The following ADAMTS18 variants were observed in gnomAD, a reference collection of about 807,000 sequenced individuals.
ADAMTS18 encodes the protein ADAM metallopeptidase with thrombospondin type 1 motif 18.
Under a neutral mutation model 165.9 loss-of-function variants are expected in ADAMTS18, and 157 were observed. The ratio of observed to expected loss-of-function variants is 0.95; its 90% CI spans 0.83 to 1.08. The LOEUF (loss-of-function observed/expected upper bound fraction) is 1.08. Ranked by LOEUF, ADAMTS18 falls within the 50% of genes least tolerant of loss-of-function variation. The probability of loss-of-function intolerance (pLI) is 0.00; values close to 1 mark genes in which losing one functional copy is unlikely to be tolerated. For synonymous variants in ADAMTS18, 782 were observed against 578.2 expected (o/e 1.35, Z -5.06); for missense variants, 2,040 against 1,534.0 (o/e 1.33, Z -5.51).
At chr16:77,302,530 G>C (rs1012656905) in intron 16 of ADAMTS18, among the ~76,000 whole-genome samples, 22 of 152,110 alleles carry the variant, frequency 1.4e-4, no homozygotes, top group African/African-American at 5.3e-4. Context: ...GTAGGGGCAA[G>C]CTTAAGTATA....
At chr16:77,339,151 C>G (rs1270945291) in intron 11 of ADAMTS18, among the ~76,000 whole-genome samples, 2 of 150,960 alleles carry the variant, frequency 1.3e-5, no homozygotes, top group Non-Finnish European at 3.0e-5. Flanking sequence ...CAAGTAAAAC[C>G]AGGGCACTGG....
At chr16:77,389,704 T>C (rs1479533031) in intron 3 of ADAMTS18, among the ~76,000 whole-genome samples, 4 of 152,156 alleles carry the variant, frequency 2.6e-5, no homozygotes, top group African/African-American at 7.2e-5. Context: ...TTTGCCTTCC[T>C]TAAAGAGGCT....
chr16:77,391,365 C>T (rs1398331829), intron 3 of ADAMTS18, among the ~76,000 whole-genome samples: 1 of 152,014 alleles, frequency 6.6e-6, no homozygotes, highest in Non-Finnish European at 1.5e-5. Flanking sequence ...TAGGTGCATG[C>T]CTGTAGTCCC....
At chr16:77,394,791 G>C (rs993699327) in intron 3 of ADAMTS18, among the ~76,000 whole-genome samples, 32 of 152,106 alleles carry the variant, frequency 2.1e-4, no homozygotes, top group African/African-American at 6.8e-4. Flanking sequence ...CATTAATGTA[G>C]GATTGCCATC....
At chr16:77,392,103 C>A (rs988220626) in intron 3 of ADAMTS18, among the ~76,000 whole-genome samples, 7 of 152,182 alleles carry the variant, frequency 4.6e-5, no homozygotes, top group Non-Finnish European at 1.0e-4. Context: ...GCTGACCACA[C>A]AGATGTGCCA....
chr16:77,368,408 A>G (rs1485634420), intron 3 of ADAMTS18, among the ~76,000 whole-genome samples: 2 of 150,590 alleles, frequency 1.3e-5, no homozygotes, highest in African/African-American at 4.9e-5. Context: ...CTCATTCTCA[A>G]GTGGTTCACA....
chr16:77,408,448 C>T (rs772869007), intron 3 of ADAMTS18, among the ~76,000 whole-genome samples: 9 of 152,022 alleles, frequency 5.9e-5, no homozygotes, highest in Non-Finnish European at 1.2e-4. Flanking sequence ...CCAGAAACAA[C>T]CCAAATGTCT....
At position 77,367,635 on chromosome 16, in the gene ADAMTS18, G is replaced by T; in HGVS notation, c.584C>A (p.Ala195Glu). The T allele has an allele frequency of 6.2e-7, 1 of 1,614,166 alleles. No homozygotes were observed. The highest frequency in any genetic ancestry group is 1.1e-5 in the South Asian group (1 of 91,086). The change falls in exon 4 of 23, where the codon GCG (alanine) becomes GAG (glutamate). Residue 195 changes from alanine (A) to glutamate (E), a missense_variant. Coordinates refer to ENST00000282849, the MANE Select transcript of ADAMTS18 (RefSeq NM_199355.4). The part of the protein sequence containing the change: ...LAQEHNYSSP[A>E]GHHPHVLYKR... ...GTACAGTACGTGAGGATGGTGACCC[G>T]CAGGGGAGCTGTAGTTGTGTTCCTG...
At chr16:77,299,103 A>G (rs1567462619) in intron 17 of ADAMTS18, among the ~76,000 whole-genome samples, 2 of 152,258 alleles carry the variant, frequency 1.3e-5, no homozygotes, top group Non-Finnish European at 1.5e-5. Flanking sequence ...GGATATGAGA[A>G]AGACCTCATA....
intron 20 of ADAMTS18, among the ~76,000 whole-genome samples, chr16:77,292,028 G>T (rs1167875910): frequency 6.6e-6 from 1 of 152,164 alleles, no homozygotes; most frequent in Non-Finnish European, 1.5e-5. Context: ...CTTTTAGGCT[G>T]GGTGCAGTGG....
chr16:77,376,102 C>T (rs777052899), intron 3 of ADAMTS18, among the ~76,000 whole-genome samples: 1 of 151,856 alleles, frequency 6.6e-6, no homozygotes, highest in Non-Finnish European at 1.5e-5. Flanking sequence ...GGGGTTTCTC[C>T]ATGTTGATCC....
intron 3 of ADAMTS18, among the ~76,000 whole-genome samples, chr16:77,372,298 T>A (rs1235973300): frequency 6.6e-6 from 1 of 152,212 alleles, no homozygotes; most frequent in Non-Finnish European, 1.5e-5. Context: ...CTCAGTATGT[T>A]GAAGAGATAT....
At chr16:77,355,918 C>T (rs750830151) in intron 9 of ADAMTS18, 22 bp downstream of exon 9, 5 of 1,613,648 alleles carry the variant, frequency 3.1e-6, no homozygotes, top group East Asian at 2.2e-5. Context: ...CTAGGAGCAC[C>T]CCAGGATTTA....
At chr16:77,366,486 G>C (rs2056796107) in intron 4 of ADAMTS18, among the ~76,000 whole-genome samples, 1 of 152,118 alleles carries the variant, frequency 6.6e-6, no homozygotes. Context: ...TGAACCTGGT[G>C]GGGTGGAGGT....
chr16:77,432,626 G>A (rs1207901004), intron 2 of ADAMTS18, among the ~76,000 whole-genome samples: 1 of 152,158 alleles, frequency 6.6e-6, no homozygotes, highest in Non-Finnish European at 1.5e-5. Flanking sequence ...CACAGAATGG[G>A]AAACTACTTT....
chr16:77,326,117 G>A (rs1331521724), intron 12 of ADAMTS18, 79 bp from the exon 13 acceptor site: 2 of 1,423,832 alleles, frequency 1.4e-6, no homozygotes, highest in Non-Finnish European at 2.0e-6. Context: ...ATGAAGAGAG[G>A]CAATGAAGAT....
At chr16:77,287,185 C>G (rs2055270488) in intron 22 of ADAMTS18, among the ~76,000 whole-genome samples, 1 of 152,166 alleles carries the variant, frequency 6.6e-6, no homozygotes, top group African/African-American at 2.4e-5. Context: ...AGTACCGTAC[C>G]TGGTCCACAG....
At chr16:77,407,830 T>A (rs375750269) in intron 3 of ADAMTS18, among the ~76,000 whole-genome samples, 15 of 152,204 alleles carry the variant, frequency 9.9e-5, no homozygotes, top group African/African-American at 3.6e-4. Flanking sequence ...TAAATATAAC[T>A]TATAGAATTT....
chr16:77,291,192 G>A (rs1269068487), intron 21 of ADAMTS18, 74 bp downstream of exon 21: 10 of 1,504,382 alleles, frequency 6.6e-6, no homozygotes, highest in East Asian at 2.3e-5. Flanking sequence ...CAGACTAAGA[G>A]CAACTGTTTG....
Sources: allele counts gnomAD v4.1 joint callset (sites outside exome capture counted in the v4.1 genomes callset), GRCh38; gene constraint gnomAD v4.1.1; transcripts MANE v1.5; gene names NCBI Gene and HGNC (gene_info 2026-07-23, HGNC 2026-07-21).